Variants in NAALADL2 observed in about 807,000 individuals in gnomAD.
NAALADL2 encodes the protein inactive N-acetylated-alpha-linked acidic dipeptidase-like protein 2.
NAALADL2 carries 76 observed loss-of-function variants against 87.2 expected under a neutral mutation model. That is an observed-to-expected ratio of 0.87 (90% confidence interval 0.72 to 1.05). NAALADL2 has a LOEUF of 1.05. NAALADL2 is among the 50% of genes least tolerant of loss of function. The pLI is 0.00. For missense variants in NAALADL2, 1,089 were observed against 945.8 expected, an observed-to-expected ratio of 1.15 and a Z score of -1.99; for synonymous variants, 354 against 331.0, an observed-to-expected ratio of 1.07 and a Z score of -0.75.
intron 5 of NAALADL2, among the ~76,000 whole-genome samples, chr3:175,368,446 T>C (rs1298647883): frequency 2.0e-5 from 3 of 152,184 alleles, no homozygotes; most frequent in African/African-American, 7.2e-5. Flanking sequence ...AGTTCCTCCT[T>C]GTACCTCTGG....
At chr3:174,581,674 A>T (rs149135911) in intron 2 of NAALADL2, among the ~76,000 whole-genome samples, 2 of 151,948 alleles carry the variant, frequency 1.3e-5, no homozygotes, top group African/African-American at 4.8e-5. Context: ...ATTTTTAGAG[A>T]CTCTCCTAAT....
intron 5 of NAALADL2, among the ~76,000 whole-genome samples, chr3:175,381,760 T>G (rs549828399): frequency 1.3e-5 from 2 of 152,170 alleles, no homozygotes; most frequent in Non-Finnish European, 2.9e-5. Context: ...GTGAGTAAAT[T>G]CAAAGAATAG....
intron 3 of NAALADL2, among the ~76,000 whole-genome samples, chr3:174,771,967 G>T (rs1714623035): frequency 6.6e-6 from 1 of 152,016 alleles, no homozygotes; most frequent in Non-Finnish European, 1.5e-5. Flanking sequence ...ATCAGGCATT[G>T]CTCTAGGTAT....
chr3:175,482,212 A>T (rs1034637692), intron 9 of NAALADL2, among the ~76,000 whole-genome samples: 7 of 151,974 alleles, frequency 4.6e-5, no homozygotes, highest in Non-Finnish European at 1.0e-4. Flanking sequence ...AGTCTGCTAA[A>T]ATTACTATAA....
chr3:174,845,250 A>G (rs775702930), intron 3 of NAALADL2, among the ~76,000 whole-genome samples: 66 of 152,310 alleles, frequency 4.3e-4, no homozygotes, highest in South Asian at 6.2e-4. Context: ...GCTGGCAGGC[A>G]AATGAGAGCC....
At chr3:175,534,657 T>A (rs1734557604) in intron 9 of NAALADL2, among the ~76,000 whole-genome samples, 1 of 150,528 alleles carries the variant, frequency 6.6e-6, no homozygotes, top group African/African-American at 2.5e-5. Context: ...TGTCAGCTTT[T>A]TTTTTTTTCT....
chr3:175,394,305 A>G (rs1769484198), intron 5 of NAALADL2, among the ~76,000 whole-genome samples: 1 of 152,214 alleles, frequency 6.6e-6, no homozygotes, highest in Non-Finnish European at 1.5e-5. Context: ...CCTTGGTAGC[A>G]GAGTTGGAGG....
Position 174,907,395 on chromosome 3 carries a change from A to G in NAALADL2, c.43+47945A>G, listed in dbSNP as rs376689631. Among the ~76,000 whole-genome samples the G allele has an allele frequency of 5.9e-5, 9 of 152,258 alleles. No individual in the cohort carries two copies. The East Asian group carries it at 1.5e-3, about 26-fold the overall frequency. ...TCATAAATTTACTGGGTGGTTGAAG[A>G]TGCTAAGAAGTGTTTTGAGAGATGG... On this transcript the variant is annotated intron_variant, in intron 1 of 13. Transcript: ENST00000454872.
At chr3:175,409,276 C>G (rs1713011994) in intron 5 of NAALADL2, among the ~76,000 whole-genome samples, 1 of 140,412 alleles carries the variant, frequency 7.1e-6, no homozygotes, top group Admixed American at 7.0e-5. Flanking sequence ...TTACTTGTTA[C>G]TTTAAAAAAA....
At chr3:174,804,126 G>A (rs1189783474) in intron 3 of NAALADL2, among the ~76,000 whole-genome samples, 37 of 152,024 alleles carry the variant, frequency 2.4e-4, no homozygotes, top group Admixed American at 2.4e-3. Flanking sequence ...CCATTTGTTT[G>A]TGTCCTCTTT....
intron 11 of NAALADL2, among the ~76,000 whole-genome samples, chr3:175,737,099 C>T (rs62286104): frequency 7.5e-4 from 113 of 151,502 alleles, no homozygotes; most frequent in Non-Finnish European, 5.2e-4. Flanking sequence ...TATTCTGAGA[C>T]GTGAAAAAGA....
intron 1 of NAALADL2, among the ~76,000 whole-genome samples, chr3:175,089,234 A>C (rs964483321): frequency 6.6e-6 from 1 of 152,170 alleles, no homozygotes; most frequent in African/African-American, 2.4e-5. Context: ...GAGGATCCAC[A>C]TAGGACCATT....
chr3:174,896,247 G>A (rs753275742), intron 1 of NAALADL2, among the ~76,000 whole-genome samples: 32 of 152,026 alleles, frequency 2.1e-4, no homozygotes, highest in Non-Finnish European at 3.8e-4. Context: ...AATTATCCTT[G>A]TTTGCTGATG....
intron 4 of NAALADL2, among the ~76,000 whole-genome samples, chr3:175,305,475 T>A (rs1757600283): frequency 6.6e-6 from 1 of 152,074 alleles, no homozygotes; most frequent in South Asian, 2.1e-4. Flanking sequence ...TGCCTTTAGG[T>A]TTGTTTAGTG....
chr3:175,734,056 G>A (rs1583051038), intron 11 of NAALADL2, among the ~76,000 whole-genome samples: 1 of 152,208 alleles, frequency 6.6e-6, no homozygotes, highest in Non-Finnish European at 1.5e-5. Flanking sequence ...TGCAGTGCAA[G>A]CTGTTGGTGG....
intron 2 of NAALADL2, among the ~76,000 whole-genome samples, chr3:174,605,782 A>C (rs2108622645): frequency 6.6e-6 from 1 of 152,286 alleles, no homozygotes; most frequent in Non-Finnish European, 1.5e-5. Context: ...CTGCAGACTT[A>C]AATGTCCCTG....
intron 7 of NAALADL2, 118 bp downstream of exon 7, chr3:175,463,611 C>A: frequency 1.9e-6 from 1 of 540,276 alleles, no homozygotes; most frequent in Non-Finnish European, 3.1e-6. Flanking sequence ...AGAAATTTGT[C>A]CCACTCTTAG....
intron 1 of NAALADL2, among the ~76,000 whole-genome samples, chr3:174,501,320 C>T (rs887586276): frequency 7.0e-6 from 1 of 143,012 alleles, no homozygotes; most frequent in African/African-American, 3.0e-5. Flanking sequence ...CCTCGTGATC[C>T]GCCCGCCTCG....
At chr3:174,551,118 A>G (rs965670878) in intron 2 of NAALADL2, 3 of 152,114 alleles carry the variant, frequency 2.0e-5, no homozygotes, top group African/African-American at 7.2e-5. Context: ...AGCATCAGGT[A>G]TATCTTCTAA....
Sources: allele counts gnomAD v4.1 joint callset (sites outside exome capture counted in the v4.1 genomes callset), GRCh38; gene constraint gnomAD v4.1.1; transcripts MANE v1.5; gene names NCBI Gene and HGNC (gene_info 2026-07-23, HGNC 2026-07-21).